Variants in DNMT3A observed in about 807,000 individuals in gnomAD.
The protein encoded by DNMT3A is DNA (cytosine-5)-methyltransferase 3A.
In DNMT3A, 267 loss-of-function variants were observed where a neutral mutation model predicts 117.6. The ratio of observed to expected loss-of-function variants is 2.27; its 90% CI spans 2.05 to 2.51. The LOEUF (loss-of-function observed/expected upper bound fraction) is 2.51, where lower values mean the gene tolerates loss of function less well. Among genes scored for constraint, DNMT3A ranks in the 30% most tolerant of loss-of-function variants. The pLI is 0.00. For synonymous variants in DNMT3A, 432 were observed against 474.8 expected (o/e 0.91, Z 1.17); for missense variants, 1,029 against 1,260.2 (o/e 0.82, Z 2.78).
chr2:25,250,720 C>G lies in DNMT3A; in HGVS notation c.640-2468G>C, dbSNP rs779152505. 2.6e-4 allele frequency among the ~76,000 whole-genome samples: 39 copies of G among 152,374 alleles called. No individual in the cohort carries two copies. The Middle Eastern group carries it at 0.01, about 40-fold the overall frequency. ...CCACCACGCCTTCTCAAGCTTCAGG[C>G]ATGGGTGGCTGACCTAGGGTGATGC... On this transcript the variant is annotated intron_variant, in intron 6 of 22. Coordinates refer to ENST00000321117, the MANE Select transcript of DNMT3A (RefSeq NM_022552.5).
chr2:25,276,219 A>G (rs1052116362), intron 4 of DNMT3A, among the ~76,000 whole-genome samples: 30 of 151,640 alleles, frequency 2.0e-4, no homozygotes, highest in Non-Finnish European at 7.4e-5. Flanking sequence ...CCGTCCCTCC[A>G]CTCCCTGCCC....
At chr2:25,315,550 C>T (rs1302040188) in intron 1 of DNMT3A, among the ~76,000 whole-genome samples, 5 of 152,198 alleles carry the variant, frequency 3.3e-5, no homozygotes, top group East Asian at 1.9e-4. Flanking sequence ...AGAGGGTGGA[C>T]GGCAGCGGAG....
In DNMT3A at chr2:25,287,787, C is replaced by G. The variant is rs576530868; in HGVS notation, c.178-5076G>C. Among the ~76,000 whole-genome samples, 258 of 149,884 alleles carry G rather than the reference C, an allele frequency of 1.7e-3. 2 individuals carry two copies. Among genetic ancestry groups the G allele is most frequent in the African/African-American group, 5.9e-3 (242 of 40,914 alleles). ...AAATGGCAATAATGTCTTTGAAAAACCCTGGGCTGAGGGTAGGGGCAAGGA... is the reference window on the plus strand; with the variant it reads ...AAATGGCAATAATGTCTTTGAAAAAGCCTGGGCTGAGGGTAGGGGCAAGGA... On this transcript the variant is annotated intron_variant, in intron 3 of 22. Coordinates refer to ENST00000321117, the MANE Select transcript of DNMT3A (RefSeq NM_022552.5).
chr2:25,288,221 T>G (rs1218209646), intron 3 of DNMT3A, among the ~76,000 whole-genome samples: 1 of 147,416 alleles, frequency 6.8e-6, no homozygotes, highest in Non-Finnish European at 1.5e-5. Flanking sequence ...GATCATGAGG[T>G]CAGCAGATTG....
In DNMT3A at chr2:25,300,168, G is replaced by A. The variant is rs1438813586; in HGVS notation, c.148C>T (p.Arg50Trp). The A allele has an allele frequency of 1.2e-6, 2 of 1,613,194 alleles. No homozygotes were observed. Among genetic ancestry groups the A allele is most frequent in the Non-Finnish European group, 8.5e-7 (1 of 1,179,946 alleles). Residue 50 changes from arginine to tryptophan, a missense_variant, in exon 3 of 23, where the codon CGG becomes TGG. Coordinates refer to ENST00000321117, the MANE Select transcript of DNMT3A (RefSeq NM_022552.5). ...GGGTGCTTGCGCTTCCTCCCAGGCC[G>A]CCCCACCTTCCGTGCCGTGGTGCTG... is the stretch of plus-strand genomic sequence containing the variant. The part of the protein sequence containing the change: ...EPSTTARKVG[R>W]PGRKRKHPPV...
intron 1 of DNMT3A, among the ~76,000 whole-genome samples, chr2:25,331,545 C>T (rs1027751862): frequency 1.3e-5 from 2 of 152,184 alleles, no homozygotes; most frequent in African/African-American, 2.4e-5. Flanking sequence ...TGATGATGCT[C>T]GCCGCAGGTC....
intron 13 of DNMT3A, 100 bp downstream of exon 13, chr2:25,245,153 G>A (rs367793303): frequency 1.5e-5 from 17 of 1,120,700 alleles, no homozygotes; most frequent in African/African-American, 3.0e-5. Flanking sequence ...CACGCACACC[G>A]GGTGTCACCC....
In DNMT3A at chr2:25,246,029, T is replaced by G. The variant is rs1558668538; in HGVS notation, c.1465A>C (p.Asn489His). The change falls in exon 12 of 23, where the codon AAC becomes CAC. Residue 489 changes from asparagine (N) to histidine (H), a missense_variant. Coordinates refer to ENST00000321117, the MANE Select transcript of DNMT3A (RefSeq NM_022552.5). The part of the protein sequence containing the change: ...LVYEVRQKCR[N>H]IEDICISCGS... Reference sequence around the variant, plus strand: ...CAGGCAACAAACTTACCCTCAATGTTCCGGCACTTCTGCCGCACCTCGTAC... The same window carrying G: ...CAGGCAACAAACTTACCCTCAATGTGCCGGCACTTCTGCCGCACCTCGTAC... 2 of 1,614,024 alleles carry G rather than the reference T, an allele frequency of 1.2e-6. No individual in the cohort carries two copies. Among genetic ancestry groups the G allele is most frequent in the Admixed American group, 1.7e-5 (1 of 60,028 alleles).
At chr2:25,322,987 T>C (rs1049983630) in intron 1 of DNMT3A, among the ~76,000 whole-genome samples, 2 of 151,856 alleles carry the variant, frequency 1.3e-5, no homozygotes, top group African/African-American at 2.4e-5. Context: ...CCTTTTCCTC[T>C]AGTGGACTCT....
chr2:25,239,315 T>C (rs1673719741), intron 19 of DNMT3A, 100 bp from the exon 20 acceptor site: 3 of 1,048,394 alleles, frequency 2.9e-6, no homozygotes, highest in Non-Finnish European at 4.3e-6. Context: ...AGCCTCTTAC[T>C]TCTCTCTCAG....
rs1018824398 is a variant in DNMT3A, at chr2:25,231,079, T to C, written c.*3200A>G. 6.6e-6 allele frequency: 1 copy of C among 152,314 alleles called. No homozygotes were observed. Among genetic ancestry groups the C allele is most frequent in the African/African-American group, 2.4e-5 (1 of 41,446 alleles). The allele number at this position is 152,314 out of a possible 1,614,324, so 9.4% of individuals were successfully genotyped here. A position where few individuals can be genotyped will look rare whatever the true frequency, so the allele number is the denominator to read the frequency against. Reference sequence around the variant, plus strand: ...GGAAAGGCTAACTGTCACTAAGCAGTGGCTTGGGAGAGCCTGAGCCTTAGA... The same window carrying C: ...GGAAAGGCTAACTGTCACTAAGCAGCGGCTTGGGAGAGCCTGAGCCTTAGA... On this transcript the variant is annotated 3_prime_UTR_variant, in exon 23 of 23. Coordinates refer to ENST00000321117, the MANE Select transcript of DNMT3A (RefSeq NM_022552.5).
intron 2 of DNMT3A, among the ~76,000 whole-genome samples, chr2:25,313,147 C>T (rs1009834736): frequency 4.6e-5 from 7 of 152,186 alleles, no homozygotes; most frequent in African/African-American, 1.7e-4. Context: ...GGGGACACAG[C>T]TTGGTAAGGT....
chr2:25,280,292 T>TCCCCGCCTCCCCACC (rs1251320427), intron 4 of DNMT3A, among the ~76,000 whole-genome samples: 6 of 129,426 alleles, frequency 4.6e-5, no homozygotes, highest in Admixed American at 3.8e-4. Context: ...CACTGCCCAC[T>TCCCCGCCTCCCCACC]CCCCGCCTCC....
intron 3 of DNMT3A, among the ~76,000 whole-genome samples, chr2:25,292,683 G>A (rs148209293): frequency 2.3e-3 from 344 of 152,160 alleles, no homozygotes; most frequent in African/African-American, 7.9e-3. Context: ...GTCCTCTCTT[G>A]GCAGCCTTGC....
rs78328669 is a variant in DNMT3A, at chr2:25,328,791, C to T, written c.-178+13035G>A. The stretch of plus-strand genomic sequence containing the variant: ...GTGGAAAGGCTGTTTGCAGGAGCTC[C>T]GAGGGCAGAACATACACCTGCTGTG... On this transcript the variant is annotated intron_variant, in intron 1 of 22. Coordinates refer to ENST00000321117, the MANE Select transcript of DNMT3A (RefSeq NM_022552.5). The T allele has an allele frequency of 7.5e-4, 340 of 454,472 alleles. 6 individuals are homozygous for T. In the East Asian group the frequency reaches 0.017, roughly 23 times the overall value. 28.2% of individuals were successfully genotyped at this position (454,472 alleles called of 1,614,324 possible). A position where few individuals can be genotyped will look rare whatever the true frequency, so the allele number is the denominator to read the frequency against.
intron 3 of DNMT3A, among the ~76,000 whole-genome samples, chr2:25,284,986 C>T (rs2032191686): frequency 6.6e-6 from 1 of 152,136 alleles, no homozygotes; most frequent in African/African-American, 2.4e-5. Flanking sequence ...TCTGGATGCT[C>T]CAAAATGTAT....
In DNMT3A at chr2:25,233,081, A is replaced by G. The variant is rs942322673; in HGVS notation, c.*1198T>C. 5.6e-5 allele frequency: 13 copies of G among 233,688 alleles called. No individual in the cohort carries two copies. Among genetic ancestry groups the G allele is most frequent in the Non-Finnish European group, 1.1e-4 (13 of 118,070 alleles). The allele number at this position is 233,688 out of a possible 1,614,324, so 14.5% of individuals were successfully genotyped here. ...ACCACAAGGAGCCCTCGAATTGGCT[A>G]AAGTGAGAAACTGGGCCTGAAGACT... On this transcript the variant is annotated 3_prime_UTR_variant, in exon 23 of 23. Coordinates refer to ENST00000321117, the MANE Select transcript of DNMT3A (RefSeq NM_022552.5).
chr2:25,261,494 C>G (rs1404776142), intron 6 of DNMT3A, among the ~76,000 whole-genome samples: 1 of 139,170 alleles, frequency 7.2e-6, no homozygotes, highest in Non-Finnish European at 1.5e-5. Context: ...ATAATCCCAG[C>G]TACTTGGGAG....
At chr2:25,256,805 C>G (rs916385871) in intron 6 of DNMT3A, among the ~76,000 whole-genome samples, 5 of 152,178 alleles carry the variant, frequency 3.3e-5, no homozygotes, top group African/African-American at 1.2e-4. Context: ...TTGCCTTGTG[C>G]GAAGGTGATT....
Sources: allele counts gnomAD v4.1 joint callset (sites outside exome capture counted in the v4.1 genomes callset), GRCh38; gene constraint gnomAD v4.1.1; transcripts MANE v1.5; gene names NCBI Gene and HGNC (gene_info 2026-07-23, HGNC 2026-07-21).